The following COIL variants were observed in gnomAD, a reference collection of about 807,000 sequenced individuals.
The protein encoded by COIL is coilin.
Under a neutral mutation model 51.6 loss-of-function variants are expected in COIL, and 28 were observed. The observed-to-expected ratio is 0.54, with a 90% CI of 0.40 to 0.74. The LOEUF (loss-of-function observed/expected upper bound fraction) is 0.74, where lower values mean the gene tolerates loss of function less well. Among genes scored for constraint, COIL ranks in the 30% least tolerant of loss-of-function variants. COIL has a pLI of 0.00. For synonymous variants in COIL, 233 were observed against 255.8 expected (o/e 0.91, Z 0.85); for missense variants, 667 against 685.9 (o/e 0.97, Z 0.31).
At chr17:56,943,009 G>A (rs1337454948) in intron 5 of COIL, among the ~76,000 whole-genome samples, 1 of 152,152 alleles carries the variant, frequency 6.6e-6, no homozygotes, top group Non-Finnish European at 1.5e-5. Context: ...TTGTACTTAT[G>A]AGTACACTGT....
chr17:56,960,858 C>T lies in COIL; in HGVS notation c.162G>A (p.Gly54=). Residue 54 remains glycine (G), a synonymous_variant, in exon 1 of 7, where the codon GGG becomes GGA. Coordinates refer to ENST00000240316, the MANE Select transcript of COIL (RefSeq NM_004645.3). ...CCTCCAGGTAGAGGCCTAGGAAGGC[C>T]CCAGAACTGAAGCCGAAGCGCTGGC... The part of the protein sequence containing the change: ...LIRQRFGFSS[G]AFLGLYLEGG... 6.2e-7 allele frequency: 1 copy of T among 1,613,468 alleles called. No homozygotes were observed. The highest frequency in any genetic ancestry group is 8.5e-7 in the Non-Finnish European group (1 of 1,179,706).
At chr17:56,952,973 G>C (rs1420668229) in intron 1 of COIL, among the ~76,000 whole-genome samples, 1 of 152,154 alleles carries the variant, frequency 6.6e-6, no homozygotes, top group Non-Finnish European at 1.5e-5. Flanking sequence ...TAAGCAAATT[G>C]TGAGTACTCA....
intron 5 of COIL, among the ~76,000 whole-genome samples, chr17:56,944,491 C>T (rs990986926): frequency 1.6e-4 from 24 of 151,900 alleles, no homozygotes; most frequent in African/African-American, 5.6e-4. Context: ...GCTCGGGAGG[C>T]TGAGGCAGGA....
rs770509992 is a variant in COIL at position 56,939,160 on chromosome 17, G to GA, written c.1648-7dup. 4.5e-5 allele frequency: 69 copies of GA among 1,544,756 alleles called. 1 individual carries two copies. In the South Asian group the frequency reaches 7.4e-4, roughly 17 times the overall value. On this transcript the variant is annotated splice_region_variant and splice_polypyrimidine_tract_variant and intron_variant, in intron 6 of 6. Coordinates refer to ENST00000240316, the MANE Select transcript of COIL (RefSeq NM_004645.3). ...TCTTTCCAAAATACAGTGATCTGAG[G>GA]AAAAAGACAAAATACCCAGTTTAGG...
Position 56,950,119 on chromosome 17 carries a change from C to T in COIL, c.1123G>A (p.Gly375Ser), listed in dbSNP as rs530702626. 7.4e-6 allele frequency: 12 copies of T among 1,614,128 alleles called. No individual in the cohort carries two copies. Among genetic ancestry groups the T allele is most frequent in the South Asian group, 1.1e-5 (1 of 91,076 alleles). The change falls in exon 2 of 7, where the codon GGT becomes AGT. Residue 375 changes from glycine to serine, a missense_variant. Physicochemically the swap from Gly to Ser is moderately conservative, Grantham distance 56 (BLOSUM62 0). Coordinates refer to ENST00000240316, the MANE Select transcript of COIL (RefSeq NM_004645.3). Reference protein sequence around the residue: ...AGWRRSGSNGGGQAPGASPSV... With the variant: ...AGWRRSGSNGSGQAPGASPSV... ...GGAGAAGCACCAGGAGCCTGTCCAC[C>T]ACCATTTGAGCCAGAACGCCTCCAT...
intron 1 of COIL, chr17:56,951,879 C>A (rs1009554537): frequency 1.3e-5 from 2 of 158,434 alleles, no homozygotes; most frequent in Non-Finnish European, 2.7e-5. Context: ...CAGTTCACTA[C>A]AACCTCTCCC....
At chr17:56,959,916 C>T (rs1485474458) in intron 1 of COIL, among the ~76,000 whole-genome samples, 3 of 152,228 alleles carry the variant, frequency 2.0e-5, no homozygotes, top group Non-Finnish European at 4.4e-5. Flanking sequence ...GAAGGATGCT[C>T]GTTACACTGC....
chr17:56,945,570 T>G (rs900662837), intron 5 of COIL, among the ~76,000 whole-genome samples: 1 of 152,224 alleles, frequency 6.6e-6, no homozygotes, highest in African/African-American at 2.4e-5. Flanking sequence ...AGACATTTTG[T>G]TTTGACTTAA....
At chr17:56,940,027 CCCA>C (rs1910116257) in intron 6 of COIL, 1 of 152,078 alleles carries the variant, frequency 6.6e-6, no homozygotes. Context: ...TATTTCACAG[CCCA>C]CCAAGAGAAA....
At chr17:56,945,877 G>A (rs1910240557) in intron 5 of COIL, among the ~76,000 whole-genome samples, 2 of 152,142 alleles carry the variant, frequency 1.3e-5, no homozygotes, top group African/African-American at 4.8e-5. Flanking sequence ...CATGACGCCC[G>A]GCTAATTTTT....
At position 56,950,670 on chromosome 17, in the gene COIL, C is replaced by T. The variant is rs770040861; in HGVS notation, c.572G>A (p.Cys191Tyr). The T allele has an allele frequency of 1.2e-6, 2 of 1,610,128 alleles. No individual in the cohort carries two copies. Among genetic ancestry groups the T allele is most frequent in the Non-Finnish European group, 8.5e-7 (1 of 1,179,112 alleles). The change falls in exon 2 of 7, where the codon TGT becomes TAT. Residue 191 changes from cysteine (C) to tyrosine (Y), a missense_variant. By Grantham distance (194) the Cys-to-Tyr change is radical. Transcript: ENST00000240316. ...ATTCTTAGCCTTTTTTTTATATTCA[C>T]ATTTCTCCTTTTTCTTTGGTGATTT... ...KRKSPKKKEK[C>Y]EYKKKAKNPK... is the part of the protein sequence containing the mutation.
Position 56,960,948 on chromosome 17 carries a change from C to T in COIL, c.72G>A (p.Thr24=), listed in dbSNP as rs1302529692. ...DYPPPATPHC[T]AFWLLVDLNR... is the part of the protein sequence containing the mutation. ...TCAAGTCGACCAGAAGCCAGAAGGC[C>T]GTACAGTGCGGGGTAGCTGGCGGCG... The change falls in exon 1 of 7, where the codon ACG becomes ACA. Residue 24 remains threonine (T), a synonymous_variant. Coordinates refer to ENST00000240316, the MANE Select transcript of COIL (RefSeq NM_004645.3). 1.2e-6 allele frequency: 2 copies of T among 1,614,060 alleles called. No homozygotes were observed. The highest frequency in any genetic ancestry group is 3.3e-5 in the Admixed American group (2 of 60,006).
At chr17:56,951,025 A>G (rs1244039195) in intron 1 of COIL, 29 bp from the exon 2 acceptor site, 1 of 1,565,004 alleles carries the variant, frequency 6.4e-7, no homozygotes, top group East Asian at 2.2e-5. Flanking sequence ...AGAAAGCTAG[A>G]GTGAGCAATT....
intron 1 of COIL, among the ~76,000 whole-genome samples, chr17:56,954,257 C>T (rs1413354028): frequency 6.6e-6 from 1 of 152,130 alleles, no homozygotes; most frequent in Non-Finnish European, 1.5e-5. Context: ...ATCGTCTCAT[C>T]CATTCTTAAG....
chr17:56,953,214 A>G (rs1387168875), intron 1 of COIL, among the ~76,000 whole-genome samples: 1 of 151,952 alleles, frequency 6.6e-6, no homozygotes, highest in Non-Finnish European at 1.5e-5. Context: ...GATCGAGACC[A>G]TCCTGGCTAA....
chr17:56,955,068 C>G (rs951666782), intron 1 of COIL, among the ~76,000 whole-genome samples: 2 of 152,064 alleles, frequency 1.3e-5, no homozygotes, highest in African/African-American at 4.8e-5. Context: ...AACAGATCCC[C>G]ACTTTTCTTT....
intron 5 of COIL, among the ~76,000 whole-genome samples, chr17:56,942,708 G>A (rs1260569775): frequency 1.3e-5 from 2 of 152,122 alleles, no homozygotes; most frequent in Admixed American, 6.6e-5. Flanking sequence ...TTGAGACAGG[G>A]TTTCACCATG....
intron 1 of COIL, among the ~76,000 whole-genome samples, chr17:56,955,393 A>G (rs1408676446): frequency 6.6e-6 from 1 of 152,188 alleles, no homozygotes; most frequent in Non-Finnish European, 1.5e-5. Context: ...ACTCTTTGCA[A>G]GGCAAACTGA....
chr17:56,938,726 A>G lies in COIL; in HGVS notation c.*345T>C, dbSNP rs1300474580. ...TAAAACTTATTGAGACAAGATACGC[A>G]GCACATTCTTGGTATTATAAACTCC... On this transcript the variant is annotated 3_prime_UTR_variant, in exon 7 of 7. Coordinates refer to ENST00000240316, the MANE Select transcript of COIL (RefSeq NM_004645.3). 5.9e-6 allele frequency: 1 copy of G among 168,584 alleles called. No homozygotes were observed. The highest frequency in any genetic ancestry group is 1.6e-4 in the East Asian group (1 of 6,272). 10.4% of individuals were successfully genotyped at this position (168,584 alleles called of 1,614,324 possible).
Sources: allele counts gnomAD v4.1 joint callset (sites outside exome capture counted in the v4.1 genomes callset), GRCh38; gene constraint gnomAD v4.1.1; transcripts MANE v1.5; gene names NCBI Gene and HGNC (gene_info 2026-07-23, HGNC 2026-07-21).